The following ONECUT2 variants were observed in gnomAD, a reference collection of about 807,000 sequenced individuals.
The protein encoded by ONECUT2 is one cut homeobox 2.
Under a neutral mutation model 27.9 loss-of-function variants are expected in ONECUT2, and 10 were observed. The observed-to-expected ratio is 0.36, with a 90% CI of 0.22 to 0.61. The LOEUF (loss-of-function observed/expected upper bound fraction) is 0.61, where lower values mean the gene tolerates loss of function less well. Ranked by LOEUF, ONECUT2 falls within the 20% of genes least tolerant of loss-of-function variation. The probability of loss-of-function intolerance (pLI) is 0.73; values close to 1 mark genes in which losing one functional copy is unlikely to be tolerated. For synonymous variants in ONECUT2, 334 were observed against 315.1 expected (o/e 1.06, Z -0.64); for missense variants, 686 against 721.0 (o/e 0.95, Z 0.56).
At chr18:57,451,715 G>T (rs2050231328) in intron 1 of ONECUT2, among the ~76,000 whole-genome samples, 1 of 152,172 alleles carries the variant, frequency 6.6e-6, no homozygotes, top group South Asian at 2.1e-4. Flanking sequence ...TTGGATTGGA[G>T]GGTAAAGGGC....
In ONECUT2 at chr18:57,476,785, A is replaced by G; in HGVS notation, c.*62A>G. ...ATGAGGACAACAGATACCAAAAGAA[A>G]ACAAAGGAAAAAGACACCGGATTCC... is the stretch of plus-strand genomic sequence containing the variant. On this transcript the variant is annotated 3_prime_UTR_variant, in exon 2 of 2. Coordinates refer to ENST00000491143, the MANE Select transcript of ONECUT2 (RefSeq NM_004852.3). 1 of 1,530,024 alleles carries G rather than the reference A, an allele frequency of 6.5e-7. No individual in the cohort carries two copies. Among genetic ancestry groups the G allele is most frequent in the Non-Finnish European group, 8.8e-7 (1 of 1,141,750 alleles). 94.8% of individuals were successfully genotyped at this position (1,530,024 alleles called of 1,614,324 possible).
At chr18:57,465,344 T>C (rs1489710176) in intron 1 of ONECUT2, among the ~76,000 whole-genome samples, 1 of 152,152 alleles carries the variant, frequency 6.6e-6, no homozygotes, top group Non-Finnish European at 1.5e-5. Flanking sequence ...TTGTAGTTTT[T>C]GTAGAGACAG....
chr18:57,436,694 G>C lies in ONECUT2; in HGVS notation c.978G>C (p.Thr326=). 1.9e-6 allele frequency: 3 copies of C among 1,613,458 alleles called. No homozygotes were observed. The South Asian group carries it at 3.3e-5, about 18-fold the overall frequency. The change falls in exon 1 of 2, where the codon ACG becomes ACC. Residue 326 remains threonine, a synonymous_variant. Transcript: ENST00000491143. The surrounding 1 kb of genome is among the most constrained non-coding windows in gnomAD (Gnocchi z 5.9). ...CCTCATCGGGCTCGCAGGTGGCCAC[G>C]TCGGGCCAGCTGGAAGAAATCAACA... is the stretch of plus-strand genomic sequence containing the variant. ...PSSSSGSQVA[T]SGQLEEINTK...
chr18:57,472,836 T>C (rs1361340060), intron 1 of ONECUT2, among the ~76,000 whole-genome samples: 2 of 152,158 alleles, frequency 1.3e-5, no homozygotes, highest in African/African-American at 4.8e-5. Flanking sequence ...GAATAATCAA[T>C]ATTGGTATGA....
chr18:57,467,190 T>C (rs749363303), intron 1 of ONECUT2: 2 of 456,630 alleles, frequency 4.4e-6, no homozygotes, highest in South Asian at 1.5e-5. Context: ...GAACACAGAA[T>C]GGTCGCTGTG....
intron 1 of ONECUT2, among the ~76,000 whole-genome samples, chr18:57,445,390 G>T (rs2050196092): frequency 1.3e-5 from 2 of 152,172 alleles, no homozygotes; most frequent in African/African-American, 4.8e-5. Flanking sequence ...TATCCCTCTT[G>T]CTTGTAGATA....
rs1271227865 is a variant in ONECUT2, at chr18:57,489,421, T to C, written c.*12698T>C. On this transcript the variant is annotated 3_prime_UTR_variant, in exon 2 of 2. Coordinates refer to ENST00000491143, the MANE Select transcript of ONECUT2 (RefSeq NM_004852.3). ...GGGCAGGGGCAGTGCACATTGCCTA[T>C]GCTGTTGATCTGTCTTGGGCGACAG... The C allele has an allele frequency of 6.6e-6, 1 of 152,212 alleles. No homozygotes were observed. The highest frequency in any genetic ancestry group is 1.5e-5 in the Non-Finnish European group (1 of 68,060). 9.4% of individuals were successfully genotyped at this position (152,212 alleles called of 1,614,324 possible).
At chr18:57,438,315 G>A (rs1328061568) in intron 1 of ONECUT2, among the ~76,000 whole-genome samples, 1 of 152,256 alleles carries the variant, frequency 6.6e-6, no homozygotes, top group Non-Finnish European at 1.5e-5. Context: ...TCGGGTGGAG[G>A]GGGGTATCTT....
At chr18:57,467,244 T>TCTAG (rs2050326449) in intron 1 of ONECUT2, 1 of 452,822 alleles carries the variant, frequency 2.2e-6, no homozygotes, top group African/African-American at 2.0e-5. Context: ...GGGGAGTTGC[T>TCTAG]CTAGCGCTTG....
intron 1 of ONECUT2, among the ~76,000 whole-genome samples, chr18:57,439,812 C>G (rs1366491139): frequency 6.6e-6 from 1 of 152,216 alleles, no homozygotes; most frequent in East Asian, 1.9e-4. Context: ...CCAAACCTGC[C>G]TCTTCTCTTT....
rs2050145595 is a variant in ONECUT2, at chr18:57,436,799, G to A, written c.1083G>A (p.Leu361=). 1 of 1,613,944 alleles carries A rather than the reference G, an allele frequency of 6.2e-7. No homozygotes were observed. The highest frequency in any genetic ancestry group is 8.5e-7 in the Non-Finnish European group (1 of 1,180,050). The part of the protein sequence containing the change: ...IPQAIFAQRV[L]CRSQGTLSDL... Reference sequence around the variant, plus strand: ...AGGCGATCTTTGCGCAGAGGGTGCTGTGCCGGTCTCAGGGGACTCTCTCCG... The same window carrying A: ...AGGCGATCTTTGCGCAGAGGGTGCTATGCCGGTCTCAGGGGACTCTCTCCG... The change falls in exon 1 of 2, where the codon CTG becomes CTA. Residue 361 remains leucine, a synonymous_variant. Coordinates refer to ENST00000491143, the MANE Select transcript of ONECUT2 (RefSeq NM_004852.3). This position sits in a 1 kb window ranked among gnomAD's most constrained non-coding sequence, Gnocchi z 5.9.
chr18:57,470,373 A>G (rs1042341234), intron 1 of ONECUT2, among the ~76,000 whole-genome samples: 1 of 152,196 alleles, frequency 6.6e-6, no homozygotes, highest in Non-Finnish European at 1.5e-5. Flanking sequence ...CAAATCCAGG[A>G]TCCAGTGCTA....
chr18:57,478,513 A>T lies in ONECUT2; in HGVS notation c.*1790A>T, dbSNP rs1180222279. ...CAATAAGAAGGAAGCACGCCAGAAA[A>T]TAAACGAAAACAAAAACAGGGAGAC... On this transcript the variant is annotated 3_prime_UTR_variant, in exon 2 of 2. Transcript: ENST00000491143. The T allele has an allele frequency of 6.5e-6, 1 of 152,700 alleles. No individual in the cohort carries two copies. Among genetic ancestry groups the T allele is most frequent in the Non-Finnish European group, 1.5e-5 (1 of 68,054 alleles). The allele number at this position is 152,700 out of a possible 1,614,324, so 9.5% of individuals were successfully genotyped here.
In ONECUT2 at chr18:57,482,914, A is replaced by G. The variant is rs1382819836; in HGVS notation, c.*6191A>G. On this transcript the variant is annotated 3_prime_UTR_variant, in exon 2 of 2. Coordinates refer to ENST00000491143, the MANE Select transcript of ONECUT2 (RefSeq NM_004852.3). ...TGAAAACCACAGTGCAGGGAAAACA[A>G]AAGTATCCCAGCATCTTCATCCTGT... 3.3e-5 allele frequency: 5 copies of G among 152,632 alleles called. No homozygotes were observed. Among genetic ancestry groups the G allele is most frequent in the Admixed American group, 6.5e-5 (1 of 15,282 alleles). The allele number at this position is 152,632 out of a possible 1,614,324, so 9.5% of individuals were successfully genotyped here.
intron 1 of ONECUT2, among the ~76,000 whole-genome samples, chr18:57,456,430 A>G (rs138638362): frequency 2.6e-5 from 4 of 152,250 alleles, no homozygotes; most frequent in Non-Finnish European, 4.4e-5. Context: ...AATCTGACAT[A>G]TACTATGGTC....
intron 1 of ONECUT2, among the ~76,000 whole-genome samples, chr18:57,452,766 A>G (rs1348146565): frequency 2.0e-5 from 3 of 152,202 alleles, no homozygotes; most frequent in South Asian, 4.1e-4. Context: ...TAAACTTTTA[A>G]ATTTTGTTCT....
intron 1 of ONECUT2, among the ~76,000 whole-genome samples, chr18:57,447,967 C>G (rs1397617988): frequency 6.6e-6 from 1 of 152,202 alleles, no homozygotes; most frequent in Non-Finnish European, 1.5e-5. Flanking sequence ...GTGACTTCCT[C>G]CAGGCCACAC....
At chr18:57,469,829 T>C (rs1466567283) in intron 1 of ONECUT2, among the ~76,000 whole-genome samples, 1 of 152,214 alleles carries the variant, frequency 6.6e-6, no homozygotes, top group African/African-American at 2.4e-5. Context: ...TTTGATGTCC[T>C]GGAGTGCTGG....
intron 1 of ONECUT2, among the ~76,000 whole-genome samples, chr18:57,440,800 C>G (rs928141944): frequency 2.0e-5 from 3 of 152,230 alleles, no homozygotes; most frequent in Admixed American, 6.5e-5. Flanking sequence ...CGCCCACCCC[C>G]CAACCTCCCA....
Sources: gnomAD v4.1 joint callset for allele counts (sites outside exome capture counted in the v4.1 genomes callset) on GRCh38, gnomAD v4.1.1 for gene constraint, Gnocchi (gnomAD v3.1) non-coding constraint, MANE v1.5 for transcripts, NCBI Gene and HGNC (gene_info 2026-07-23, HGNC 2026-07-21) for gene names.